The following CCDC171 variants were observed in gnomAD, a reference collection of about 807,000 sequenced individuals.
The protein encoded by CCDC171 is coiled-coil domain containing 171.
Under a neutral mutation model 168.2 loss-of-function variants are expected in CCDC171, and 177 were observed. The ratio of observed to expected loss-of-function variants is 1.05; its 90% CI spans 0.93 to 1.19. The LOEUF (loss-of-function observed/expected upper bound fraction) is 1.19. Among genes scored for constraint, CCDC171 ranks in the 50% most tolerant of loss-of-function variants. The pLI, the probability that CCDC171 is intolerant of heterozygous loss-of-function variation, is 0.00. For synonymous variants in CCDC171, 687 were observed against 540.8 expected (o/e 1.27, Z -3.75); for missense variants, 1,991 against 1,539.0 (o/e 1.29, Z -4.91).
Position 15,695,315 on chromosome 9 carries a change from T to A in CCDC171, c.1296T>A (p.Thr432=). ...KELESILDSF[T]VSGQWTSGIH... The stretch of plus-strand genomic sequence containing the variant: ...TGGAATCGATCTTGGACAGCTTTAC[T>A]GTGTCGGGCCAGTGGACATCAGGTT... The change falls in exon 11 of 26, where the codon ACT becomes ACA. Residue 432 remains threonine, a synonymous_variant. Coordinates refer to ENST00000380701, the MANE Select transcript of CCDC171 (RefSeq NM_173550.4). 6.2e-7 allele frequency: 1 copy of A among 1,614,036 alleles called. No homozygotes were observed. The highest frequency in any genetic ancestry group is 8.5e-7 in the Non-Finnish European group (1 of 1,179,852).
intron 3 of CCDC171, among the ~76,000 whole-genome samples, chr9:15,575,276 TCTC>T (rs1289592031): frequency 2.0e-5 from 3 of 150,472 alleles, no homozygotes; most frequent in South Asian, 2.1e-4. Flanking sequence ...ACTCAAGTGA[TCTC>T]CTACATCAGC....
chr9:15,980,025 C>G (rs1030542941), intron 3 of CCDC171, among the ~76,000 whole-genome samples: 85 of 151,694 alleles, frequency 5.6e-4, no homozygotes, highest in African/African-American at 1.9e-3. Context: ...ATCTCTTTAC[C>G]TAAACAAGGC....
intron 23 of CCDC171, among the ~76,000 whole-genome samples, chr9:15,859,814 C>G (rs564660215): frequency 1.7e-4 from 26 of 151,746 alleles, no homozygotes; most frequent in Admixed American, 1.6e-3. Context: ...CATATGCCAC[C>G]AAATCCTGCT....
chr9:15,793,080 C>G (rs1479913246), intron 21 of CCDC171, among the ~76,000 whole-genome samples: 1 of 152,004 alleles, frequency 6.6e-6, no homozygotes, highest in Non-Finnish European at 1.5e-5. Flanking sequence ...AGGAAACCCA[C>G]CTCACGTGCA....
chr9:15,989,657 T>A (rs1832120183), intron 3 of CCDC171, among the ~76,000 whole-genome samples: 1 of 149,870 alleles, frequency 6.7e-6, no homozygotes. Context: ...GGAACCCATC[T>A]CAAAGAAGCT....
At chr9:15,642,129 C>G (rs1049600361) in intron 7 of CCDC171, among the ~76,000 whole-genome samples, 3 of 151,646 alleles carry the variant, frequency 2.0e-5, no homozygotes, top group Non-Finnish European at 2.9e-5. Context: ...CCACTGTACT[C>G]TAGCCTGGGA....
chr9:15,770,181 A>G (rs973328742), intron 18 of CCDC171, among the ~76,000 whole-genome samples: 1 of 152,230 alleles, frequency 6.6e-6, no homozygotes, highest in Admixed American at 6.5e-5. Flanking sequence ...ACTTTTAAAT[A>G]TATTAAAAAA....
At chr9:15,991,962 G>A (rs1013039535) in intron 3 of CCDC171, among the ~76,000 whole-genome samples, 3 of 152,032 alleles carry the variant, frequency 2.0e-5, no homozygotes, top group South Asian at 2.1e-4. Context: ...AAAAAAGTCC[G>A]GGATCAGGTG....
At chr9:15,609,864 C>T (rs1489129183) in intron 6 of CCDC171, among the ~76,000 whole-genome samples, 1 of 152,052 alleles carries the variant, frequency 6.6e-6, no homozygotes, top group Non-Finnish European at 1.5e-5. Context: ...TATTGTATTC[C>T]ATCAAGAGAC....
intron 24 of CCDC171, among the ~76,000 whole-genome samples, chr9:15,907,125 A>G (rs1209533297): frequency 6.6e-6 from 1 of 152,182 alleles, no homozygotes; most frequent in African/African-American, 2.4e-5. Flanking sequence ...CAAGCTACCA[A>G]TGACTTTCTT....
chr9:15,639,986 T>C (rs2046474956), intron 7 of CCDC171, among the ~76,000 whole-genome samples: 1 of 152,208 alleles, frequency 6.6e-6, no homozygotes, highest in Non-Finnish European at 1.5e-5. Flanking sequence ...AGGACTCGTT[T>C]TGGCCTTTGG....
At chr9:15,887,789 A>T (rs1379223679) in intron 24 of CCDC171, 2 of 152,068 alleles carry the variant, frequency 1.3e-5, no homozygotes, top group African/African-American at 4.8e-5. Context: ...TTAAAAAAAA[A>T]CTCAAAAGAC....
At chr9:15,718,438 T>A (rs1326578413) in intron 11 of CCDC171, among the ~76,000 whole-genome samples, 1 of 152,232 alleles carries the variant, frequency 6.6e-6, no homozygotes, top group Non-Finnish European at 1.5e-5. Context: ...CTGGCTGGCT[T>A]CACTACCTGC....
At chr9:15,957,031 G>GT (rs60832172) in intron 25 of CCDC171, among the ~76,000 whole-genome samples, 69,826 of 143,986 alleles carry the variant, frequency 0.48, 16,876 homozygotes, top group African/African-American at 0.54. Context: ...CTAGAAGTCT[G>GT]TTTTTTTTTT....
intron 8 of CCDC171, among the ~76,000 whole-genome samples, chr9:16,036,530 G>C (rs894040545): frequency 6.6e-6 from 1 of 152,198 alleles, no homozygotes; most frequent in Admixed American, 6.5e-5. Flanking sequence ...TGTAGTCCCA[G>C]CTACTCAGGA....
chr9:15,580,142 G>T (rs1357461582), intron 4 of CCDC171, among the ~76,000 whole-genome samples: 1 of 152,202 alleles, frequency 6.6e-6, no homozygotes, highest in Admixed American at 6.5e-5. Flanking sequence ...TTCACCAGTA[G>T]TGCTGGGATA....
chr9:15,728,347 C>G (rs2053946512), intron 15 of CCDC171, among the ~76,000 whole-genome samples: 1 of 152,078 alleles, frequency 6.6e-6, no homozygotes, highest in African/African-American at 2.4e-5. Flanking sequence ...TGAAGCAATT[C>G]AAAGACCTTA....
At chr9:15,801,507 G>C (rs1564433565) in intron 21 of CCDC171, among the ~76,000 whole-genome samples, 1 of 152,006 alleles carries the variant, frequency 6.6e-6, no homozygotes, top group East Asian at 1.9e-4. Flanking sequence ...AGTTCTAATA[G>C]TTTTTTGGTG....
chr9:15,665,944 A>T (rs1042985725), intron 8 of CCDC171, among the ~76,000 whole-genome samples: 2 of 152,180 alleles, frequency 1.3e-5, no homozygotes, highest in African/African-American at 4.8e-5. Context: ...CTTTCATAAC[A>T]CAGTTAACTC....
Sources: gnomAD v4.1 joint callset for allele counts (sites outside exome capture counted in the v4.1 genomes callset) on GRCh38, gnomAD v4.1.1 for gene constraint, MANE v1.5 for transcripts, NCBI Gene and HGNC (gene_info 2026-07-23, HGNC 2026-07-21) for gene names.